Variants in TULP2 observed in about 807,000 individuals in gnomAD.
TULP2 encodes the protein tubby-related protein 2.
Under a neutral mutation model 60.3 loss-of-function variants are expected in TULP2, and 64 were observed. The observed-to-expected ratio is 1.06, with a 90% CI of 0.87 to 1.31. TULP2 has a LOEUF of 1.31. TULP2 is among the 50% of genes most tolerant of loss of function. The pLI is 0.00. For missense variants in TULP2, 652 were observed against 667.0 expected (o/e 0.98, Z 0.25); for synonymous variants, 267 against 265.4 (o/e 1.01, Z -0.06).
At chr19:48,892,310 T>C (rs2037240417) in intron 6 of TULP2, among the ~76,000 whole-genome samples, 3 of 152,210 alleles carry the variant, frequency 2.0e-5, no homozygotes, top group Non-Finnish European at 4.4e-5. Flanking sequence ...GTGTGTTATG[T>C]TTCTGGTTAA....
intron 6 of TULP2, among the ~76,000 whole-genome samples, chr19:48,892,566 C>T (rs1279468611): frequency 2.0e-5 from 3 of 151,254 alleles, no homozygotes; most frequent in Admixed American, 1.3e-4. Flanking sequence ...TGCAGTGGCG[C>T]GATCTCAGCT....
intron 11 of TULP2, among the ~76,000 whole-genome samples, chr19:48,883,215 T>C (rs985143867): frequency 6.9e-6 from 1 of 145,536 alleles, no homozygotes; most frequent in African/African-American, 2.6e-5. Context: ...CAAGACTCTG[T>C]CTCAAAAAAA....
chr19:48,890,276 T>C (rs1306619511), intron 6 of TULP2, among the ~76,000 whole-genome samples: 9 of 150,722 alleles, frequency 6.0e-5, no homozygotes, highest in South Asian at 2.1e-4. Flanking sequence ...GAGATGTTTA[T>C]GTGTATGCAT....
Position 48,897,096 on chromosome 19 carries a change from G to A in TULP2, c.84+249C>T, listed in dbSNP as rs2037289947. Among the ~76,000 whole-genome samples the A allele has an allele frequency of 6.6e-6, 1 of 152,060 alleles. No homozygotes were observed. ...GTAGAGACGGGGTTTCGCCGTGTTG[G>A]CCAGGCTTGTCTTGAACTCCTGACC... On this transcript the variant is annotated intron_variant, in intron 3 of 12. Coordinates refer to ENST00000221399, the MANE Select transcript of TULP2 (RefSeq NM_003323.3). The surrounding 1 kb of genome is among the most constrained non-coding windows in gnomAD (Gnocchi z 4.0).
rs540384428 is a variant in TULP2 at position 48,896,589 on chromosome 19, A to G, written c.85-33T>C. The G allele has an allele frequency of 4.8e-5, 75 of 1,561,860 alleles. No homozygotes were observed. The South Asian group carries it at 8.2e-4, about 17-fold the overall frequency. ...GATGGGAGAGGTGGGTGTCCGGGAC[A>G]GGAACCAGATGGGAAGACAGAAGTG... is the stretch of plus-strand genomic sequence containing the variant. On this transcript the variant is annotated intron_variant, in intron 3 of 12. Coordinates refer to ENST00000221399, the MANE Select transcript of TULP2 (RefSeq NM_003323.3).
intron 12 of TULP2, 99 bp downstream of exon 12, chr19:48,881,933 G>GA (rs1378311334): frequency 4.5e-6 from 7 of 1,544,620 alleles, no homozygotes; most frequent in Non-Finnish European, 5.3e-6. Context: ...GCCCTGCCTA[G>GA]AAAAACGCTC....
In TULP2 at chr19:48,896,408, G is replaced by T. The variant is rs553314431; in HGVS notation, c.211+22C>A. 2.0e-5 allele frequency: 32 copies of T among 1,571,644 alleles called. No individual in the cohort carries two copies. In the South Asian group the frequency reaches 3.6e-4, roughly 18 times the overall value. On this transcript the variant is annotated intron_variant, in intron 4 of 12. Coordinates refer to ENST00000221399, the MANE Select transcript of TULP2 (RefSeq NM_003323.3). ...ACAGGCCCCTCCCCTCCAGGCGAAC[G>T]CCCCCAGGGGTCTTTGGTCACCTCT...
rs201807964 is a variant in TULP2 at position 48,894,036 on chromosome 19, A to AT, written c.514+961dup. On this transcript the variant is annotated intron_variant, in intron 6 of 12. Transcript: ENST00000221399. ...AAGATGACAATAAATAACAGAACCA[A>AT]TTTTTTTTTTCTTTGAGACAGAGTA... Among the ~76,000 whole-genome samples, 28 of 149,722 alleles carry AT rather than the reference A, an allele frequency of 1.9e-4. 1 individual carries two copies. Among genetic ancestry groups the AT allele is most frequent in the African/African-American group, 4.4e-4 (18 of 40,796 alleles).
rs761290057 is a variant in TULP2 at position 48,881,069 on chromosome 19, A to G, written c.1505T>C (p.Phe502Ser). ...CTGGAGCGGGCTAAATGGAAAGCAGAAGTCCATGGTGAATGTGTCTGGGCC... is the reference window on the plus strand; with the variant it reads ...CTGGAGCGGGCTAAATGGAAAGCAGGAGTCCATGGTGAATGTGTCTGGGCC... The part of the protein sequence containing the change: ...RVGPDTFTMD[F>S]CFPFSPLQAF... The change falls in exon 13 of 13, where the codon TTC becomes TCC. Residue 502 changes from phenylalanine to serine, a missense_variant. Phe to Ser is a radical substitution (Grantham distance 155, BLOSUM62 -2). Transcript: ENST00000221399. 6.2e-7 allele frequency: 1 copy of G among 1,614,058 alleles called. No individual in the cohort carries two copies. Among genetic ancestry groups the G allele is most frequent in the Non-Finnish European group, 8.5e-7 (1 of 1,179,984 alleles).
rs947607585 is a variant in TULP2, at chr19:48,897,160, G to T, written c.84+185C>A. ...CCACCTCAGCATCCCAAAGTGCTGTGATTACAGCCGTGAGCTGCCCTGCCC... is the reference window on the plus strand; with the variant it reads ...CCACCTCAGCATCCCAAAGTGCTGTTATTACAGCCGTGAGCTGCCCTGCCC... On this transcript the variant is annotated intron_variant, in intron 3 of 12. Transcript: ENST00000221399. This position sits in a 1 kb window ranked among gnomAD's most constrained non-coding sequence, Gnocchi z 4.0. 9.9e-5 allele frequency among the ~76,000 whole-genome samples: 15 copies of T among 152,268 alleles called. No homozygotes were observed. The highest frequency in any genetic ancestry group is 3.6e-4 in the African/African-American group (15 of 41,554).
chr19:48,889,588 A>G lies in TULP2; in HGVS notation c.558T>C (p.Asp186=). Reference sequence around the variant, plus strand: ...GTCCCATATTGGGTGACTTGTGTGCATCTCCCATATCCTGGGAGTCACTCT... The same window carrying G: ...GTCCCATATTGGGTGACTTGTGTGCGTCTCCCATATCCTGGGAGTCACTCT... ...EGESDSQDMG[D]AHKSPNMGPN... Residue 186 remains aspartate (D), a synonymous_variant, in exon 7 of 13, where the codon GAT becomes GAC. Transcript: ENST00000221399. 6.3e-7 allele frequency: 1 copy of G among 1,587,016 alleles called. No homozygotes were observed. The highest frequency in any genetic ancestry group is 8.6e-7 in the Non-Finnish European group (1 of 1,157,810).
chr19:48,896,330 C>A, intron 4 of TULP2, 100 bp downstream of exon 4: 1 of 1,434,914 alleles, frequency 7.0e-7, no homozygotes. Context: ...ACTGCCAAGT[C>A]CCCACCCTAA....
chr19:48,884,184 CTGGG>C, intron 9 of TULP2, 138 bp from the exon 10 acceptor site: 1 of 735,952 alleles, frequency 1.4e-6, no homozygotes, highest in Non-Finnish European at 2.2e-6. Flanking sequence ...ATGTTCCTGG[CTGGG>C]CACAGGGGCT....
intron 9 of TULP2, among the ~76,000 whole-genome samples, 154 bp from the exon 10 acceptor site, chr19:48,884,200 A>G (rs1205964708): frequency 6.6e-6 from 1 of 152,170 alleles, no homozygotes; most frequent in Admixed American, 6.5e-5. Context: ...ACAGGGGCTC[A>G]CACCTGTAAT....
At chr19:48,889,366 G>A (rs113134423) in intron 7 of TULP2, 144 bp downstream of exon 7, 132 of 1,262,426 alleles carry the variant, frequency 1.0e-4, no homozygotes, top group African/African-American at 8.3e-4. Context: ...ACGCACGCAC[G>A]CACACACACA....
chr19:48,893,451 T>C (rs1312926577), intron 6 of TULP2, among the ~76,000 whole-genome samples: 1 of 151,274 alleles, frequency 6.6e-6, no homozygotes. Context: ...TTGTGTGAAA[T>C]GTACAGAATA....
intron 6 of TULP2, among the ~76,000 whole-genome samples, chr19:48,894,622 CAG>C (rs2037261851): frequency 6.6e-6 from 1 of 151,774 alleles, no homozygotes; most frequent in African/African-American, 2.4e-5. Context: ...GCCTAGGCGA[CAG>C]AGTGAGACTC....
chr19:48,886,669 G>A (rs1291018234), intron 8 of TULP2, among the ~76,000 whole-genome samples: 7 of 152,252 alleles, frequency 4.6e-5, no homozygotes, highest in Admixed American at 6.5e-5. Context: ...AGACAAACCA[G>A]GGGAGGGACC....
At position 48,888,220 on chromosome 19, in the gene TULP2, T is replaced by A. The variant is rs1255992213; in HGVS notation, c.678A>T (p.Thr226=). ...LEKKREASES[T]GTNSSAAHNE... is the part of the protein sequence containing the mutation. ...TGTGTGCTGCTGAGGAGTTCGTCCC[T>A]GTAGACTCAGAGGCCTCTCTCTTCT... Residue 226 remains threonine (T), a synonymous_variant, in exon 8 of 13, where the codon ACA becomes ACT. Transcript: ENST00000221399. 1.2e-6 allele frequency: 2 copies of A among 1,606,786 alleles called. No individual in the cohort carries two copies. Among genetic ancestry groups the A allele is most frequent in the African/African-American group, 2.7e-5 (2 of 74,782 alleles).
Sources: gnomAD v4.1 joint callset for allele counts (sites outside exome capture counted in the v4.1 genomes callset) on GRCh38, gnomAD v4.1.1 for gene constraint, Gnocchi (gnomAD v3.1) non-coding constraint, MANE v1.5 for transcripts, NCBI Gene and HGNC (gene_info 2026-07-23, HGNC 2026-07-21) for gene names.